DNMT3A: variants seen among roughly 807,000 people sequenced by gnomAD.
DNMT3A encodes the protein DNA (cytosine-5)-methyltransferase 3A.
A neutral mutation model predicts 117.6 loss-of-function variants in DNMT3A; 267 were observed. The observed-to-expected ratio is 2.27, with a 90% CI of 2.05 to 2.51. DNMT3A has a LOEUF of 2.51. DNMT3A is among the 30% of genes most tolerant of loss of function. The pLI is 0.00. For missense variants in DNMT3A, 1,029 were observed against 1,260.2 expected (o/e 0.82, Z 2.78); for synonymous variants, 432 against 474.8 (o/e 0.91, Z 1.17).
At chr2:25,278,829 C>CA (rs779173488) in intron 4 of DNMT3A, among the ~76,000 whole-genome samples, 1,482 of 129,236 alleles carry the variant, frequency 0.011, 16 homozygotes, top group African/African-American at 0.03. Context: ...GACGCTGTCT[C>CA]AAAAAAAAAA....
chr2:25,269,932 G>A (rs527863334), intron 6 of DNMT3A, among the ~76,000 whole-genome samples: 2 of 152,298 alleles, frequency 1.3e-5, no homozygotes, highest in East Asian at 1.9e-4. Context: ...GGCTCACTCA[G>A]TAACTGTGGT....
At chr2:25,241,755 C>T in intron 16 of DNMT3A, 48 bp from the exon 17 acceptor site, 3 of 1,601,454 alleles carry the variant, frequency 1.9e-6, no homozygotes, top group Non-Finnish European at 2.6e-6. Context: ...ATCTCCCTGG[C>T]ACCCTGGTCT....
chr2:25,241,587 TC>T lies in DNMT3A; in HGVS notation c.2056del (p.Asp686ThrfsTer19), dbSNP rs1344775606. 1 of 1,611,848 alleles carries T rather than the reference TC, an allele frequency of 6.2e-7. No individual in the cohort carries two copies. Among genetic ancestry groups the T allele is most frequent in the Non-Finnish European group, 8.5e-7 (1 of 1,179,046 alleles). On this transcript the variant is annotated frameshift_variant, in exon 17 of 23. Transcript: ENST00000321117. LOFTEE classifies it high-confidence loss of function. ...ATGCTTCTGTGTGACGCTGCGGACGTCCCCGACGTACATGATCTTCCCCTGG... is the reference window on the plus strand; with the variant it reads ...ATGCTTCTGTGTGACGCTGCGGACGTCCCGACGTACATGATCTTCCCCTGG... ...RHQGKIMYVG[D>X]VRSVTQKHIQ...
chr2:25,328,238 A>G (rs555597722), intron 1 of DNMT3A, among the ~76,000 whole-genome samples: 13 of 152,298 alleles, frequency 8.5e-5, no homozygotes, highest in African/African-American at 3.1e-4. Flanking sequence ...GATGCCAAAG[A>G]TTTGCACACG....
At chr2:25,274,539 C>G (rs2031226756) in intron 6 of DNMT3A, among the ~76,000 whole-genome samples, 1 of 152,238 alleles carries the variant, frequency 6.6e-6, no homozygotes, top group African/African-American at 2.4e-5. Flanking sequence ...AACACTCTCC[C>G]TGACCCCACT....
chr2:25,244,103 A>T lies in DNMT3A; in HGVS notation c.1851+52T>A, dbSNP rs1418600620. 3.6e-5 allele frequency: 58 copies of T among 1,611,710 alleles called. No homozygotes were observed. In the South Asian group the frequency reaches 5.7e-4, roughly 16 times the overall value. On this transcript the variant is annotated intron_variant, in intron 15 of 22. Coordinates refer to ENST00000321117, the MANE Select transcript of DNMT3A (RefSeq NM_022552.5). ...CCCTGCGCACAGCTCAGGCCCCACA[A>T]CCAAGGCTCAGCCAAGGGAGCTCGA...
intron 3 of DNMT3A, among the ~76,000 whole-genome samples, chr2:25,289,802 G>C (rs2032609184): frequency 6.6e-6 from 1 of 152,174 alleles, no homozygotes; most frequent in Non-Finnish European, 1.5e-5. Context: ...CTCTGCTGTG[G>C]CCTGCCCAGC....
In DNMT3A at chr2:25,319,922, G is replaced by A. The variant is rs1269804854; in HGVS notation, c.-177-5761C>T. Among the ~76,000 whole-genome samples, 12 of 151,962 alleles carry A rather than the reference G, an allele frequency of 7.9e-5. 1 individual carries two copies. The highest frequency in any genetic ancestry group is 5.2e-4 in the Admixed American group (8 of 15,252). On this transcript the variant is annotated intron_variant, in intron 1 of 22. Transcript: ENST00000321117. ...GTAGCTGGGATTACAGGCACCCGCC[G>A]CCATGCCCGGCTAATTTTTGCATTT...
At chr2:25,314,582 C>G (rs1459932895) in intron 1 of DNMT3A, 13 of 985,280 alleles carry the variant, frequency 1.3e-5, no homozygotes, top group Admixed American at 6.1e-5. Flanking sequence ...TCCTCACCCC[C>G]ACCCCCACAC....
At chr2:25,322,570 GC>G (rs2034637384) in intron 1 of DNMT3A, among the ~76,000 whole-genome samples, 1 of 148,526 alleles carries the variant, frequency 6.7e-6, no homozygotes, top group Admixed American at 6.8e-5. Context: ...CGCTCACTCA[GC>G]CCCTTCTCAG....
intron 1 of DNMT3A, among the ~76,000 whole-genome samples, chr2:25,335,185 G>C (rs1261359646): frequency 6.6e-6 from 1 of 152,060 alleles, no homozygotes; most frequent in Non-Finnish European, 1.5e-5. Context: ...TAACACATCA[G>C]AACAGACTCG....
rs1672877240 is a variant in DNMT3A at position 25,231,296 on chromosome 2, A to C, written c.*2983T>G. 6.6e-6 allele frequency: 1 copy of C among 152,020 alleles called. No homozygotes were observed. The highest frequency in any genetic ancestry group is 2.4e-5 in the African/African-American group (1 of 41,322). 9.4% of individuals were successfully genotyped at this position (152,020 alleles called of 1,614,324 possible). On this transcript the variant is annotated 3_prime_UTR_variant, in exon 23 of 23. Coordinates refer to ENST00000321117, the MANE Select transcript of DNMT3A (RefSeq NM_022552.5). Reference sequence around the variant, plus strand: ...GGTGAGCACCACAGTTAGCACAGGGACTCCACTGAGGGGGCAGAGGCTCCC... The same window carrying C: ...GGTGAGCACCACAGTTAGCACAGGGCCTCCACTGAGGGGGCAGAGGCTCCC...
rs753637583 is a variant in DNMT3A at position 25,241,636 on chromosome 2, T to TG, written c.2007dup (p.Ile670HisfsTer43). ...TGGTGCCGCACCATGCCCACCGTGATGGAGTCCTCACACACCTCCGAGGCA... is the reference window on the plus strand; with the variant it reads ...TGGTGCCGCACCATGCCCACCGTGATGGGAGTCCTCACACACCTCCGAGGCA... On this transcript the variant is annotated frameshift_variant, in exon 17 of 23. Transcript: ENST00000321117. LOFTEE classifies it high-confidence loss of function. 1.9e-6 allele frequency: 3 copies of TG among 1,614,040 alleles called. No individual in the cohort carries two copies. Among genetic ancestry groups the TG allele is most frequent in the East Asian group, 2.2e-5 (1 of 44,864 alleles).
chr2:25,263,553 C>T (rs1350056714), intron 6 of DNMT3A, among the ~76,000 whole-genome samples: 1 of 152,154 alleles, frequency 6.6e-6, no homozygotes, highest in East Asian at 1.9e-4. Context: ...ACTCCTTTAA[C>T]GAGTGTACTG....
At position 25,286,163 on chromosome 2, in the gene DNMT3A, A is replaced by C. The variant is rs1046258172; in HGVS notation, c.178-3452T>G. Among the ~76,000 whole-genome samples the C allele has an allele frequency of 2.0e-5, 3 of 152,086 alleles. No homozygotes were observed. The highest frequency in any genetic ancestry group is 4.4e-5 in the Non-Finnish European group (3 of 68,006). Reference sequence around the variant, plus strand: ...ATGGCCTCCTCTCATGCTGGGACTCACTTCCTGTTGACTGCTGGCTCCGTA... The same window carrying C: ...ATGGCCTCCTCTCATGCTGGGACTCCCTTCCTGTTGACTGCTGGCTCCGTA... On this transcript the variant is annotated intron_variant, in intron 3 of 22. Transcript: ENST00000321117. The surrounding 1 kb of genome is among the most constrained non-coding windows in gnomAD (Gnocchi z 4.3).
At chr2:25,309,483 T>C (rs1167178564) in intron 2 of DNMT3A, among the ~76,000 whole-genome samples, 1 of 152,128 alleles carries the variant, frequency 6.6e-6, no homozygotes, top group Non-Finnish European at 1.5e-5. Context: ...AAGAGCGCCA[T>C]TATGCAGTGA....
intron 1 of DNMT3A, chr2:25,314,782 C>T (rs1392576237): frequency 2.3e-6 from 2 of 884,586 alleles, no homozygotes; most frequent in East Asian, 2.4e-4. Context: ...CACACTGAGG[C>T]AGGAGTGAGG....
At chr2:25,245,061 TGAGA>T (rs1674578486) in intron 13 of DNMT3A, among the ~76,000 whole-genome samples, 188 bp downstream of exon 13, 2 of 152,020 alleles carry the variant, frequency 1.3e-5, no homozygotes, top group Non-Finnish European at 2.9e-5. Context: ...AGGAGAAAAA[TGAGA>T]GCAAGTCAAA....
At chr2:25,329,465 C>G (rs1166889012) in intron 1 of DNMT3A, among the ~76,000 whole-genome samples, 1 of 152,090 alleles carries the variant, frequency 6.6e-6, no homozygotes, top group South Asian at 2.1e-4. Flanking sequence ...GCCATATGTT[C>G]TTAGGAAACC....
Sources: allele counts gnomAD v4.1 joint callset (sites outside exome capture counted in the v4.1 genomes callset), GRCh38; gene constraint gnomAD v4.1.1; non-coding constraint Gnocchi (gnomAD v3.1); transcripts MANE v1.5; gene names NCBI Gene and HGNC (gene_info 2026-07-23, HGNC 2026-07-21).